Variants in KIAA0825 observed in about 807,000 individuals in gnomAD.
KIAA0825 encodes the protein KIAA0825.
KIAA0825 carries 119 observed loss-of-function variants against 147.6 expected under a neutral mutation model. The observed-to-expected ratio is 0.81, with a 90% confidence interval of 0.69 to 0.94. The LOEUF (loss-of-function observed/expected upper bound fraction) is 0.94. KIAA0825 is among the 40% of genes least tolerant of loss of function. The pLI, the probability that KIAA0825 is intolerant of heterozygous loss-of-function variation, is 0.00. For missense variants in KIAA0825, 1,381 were observed against 1,472.7 expected, an observed-to-expected ratio of 0.94 and a Z score of 1.02; for synonymous variants, 470 against 518.1, an observed-to-expected ratio of 0.91 and a Z score of 1.26.
intron 16 of KIAA0825, among the ~76,000 whole-genome samples, chr5:94,399,946 A>AT (rs930522379): frequency 6.6e-6 from 1 of 152,078 alleles, no homozygotes; most frequent in African/African-American, 2.4e-5. Flanking sequence ...ATTTTTTATT[A>AT]TTTTTTAAAT....
intron 20 of KIAA0825, among the ~76,000 whole-genome samples, chr5:94,356,166 T>C (rs1784225337): frequency 6.6e-6 from 1 of 152,162 alleles, no homozygotes; most frequent in Non-Finnish European, 1.5e-5. Context: ...TATTCAATGT[T>C]TTAAAAATTA....
chr5:94,426,109 G>A (rs1240721531), intron 14 of KIAA0825, among the ~76,000 whole-genome samples: 3 of 151,172 alleles, frequency 2.0e-5, no homozygotes, highest in Non-Finnish European at 4.4e-5. Context: ...GGTCTCAAGC[G>A]ATCCTCCCGC....
intron 1 of KIAA0825, among the ~76,000 whole-genome samples, chr5:94,612,491 A>G (rs1268089615): frequency 6.6e-6 from 1 of 152,044 alleles, no homozygotes; most frequent in African/African-American, 2.4e-5. Context: ...ACGTGCATTG[A>G]GGCCTGAAGG....
At chr5:94,475,383 T>G (rs1309769830) in intron 7 of KIAA0825, among the ~76,000 whole-genome samples, 1 of 147,556 alleles carries the variant, frequency 6.8e-6, no homozygotes, top group African/African-American at 2.7e-5. Context: ...CTGTATTGAA[T>G]TTTTAAAAAT....
chr5:94,452,823 C>T (rs1228756596), intron 13 of KIAA0825, 136 bp downstream of exon 13: 2 of 501,504 alleles, frequency 4.0e-6, no homozygotes, highest in Non-Finnish European at 7.0e-6. Context: ...ATACTCTTTA[C>T]TTACCTGCCA....
intron 12 of KIAA0825, among the ~76,000 whole-genome samples, chr5:94,455,787 G>T (rs1584542280): frequency 6.6e-6 from 1 of 152,086 alleles, no homozygotes; most frequent in Non-Finnish European, 1.5e-5. Context: ...GAAGTACAGG[G>T]ACAAGGCCAT....
chr5:94,356,568 G>A (rs993807046), intron 20 of KIAA0825, among the ~76,000 whole-genome samples: 5 of 150,898 alleles, frequency 3.3e-5, no homozygotes, highest in South Asian at 2.1e-4. Context: ...CCGAGATTGC[G>A]CCACCGGACT....
chr5:94,409,198 TAA>T (rs1425502728), intron 15 of KIAA0825, among the ~76,000 whole-genome samples: 2 of 152,218 alleles, frequency 1.3e-5, no homozygotes, highest in Non-Finnish European at 2.9e-5. Flanking sequence ...GAGATAATCA[TAA>T]GTTATTTTTA....
At chr5:94,195,406 C>G (rs1351591857) in intron 20 of KIAA0825, among the ~76,000 whole-genome samples, 1 of 152,090 alleles carries the variant, frequency 6.6e-6, no homozygotes, top group Non-Finnish European at 1.5e-5. Flanking sequence ...TCTTCTAAAA[C>G]AGTTTAATAG....
At chr5:94,166,274 C>A (rs151151098) in intron 20 of KIAA0825, among the ~76,000 whole-genome samples, 69 of 152,274 alleles carry the variant, frequency 4.5e-4, no homozygotes, top group African/African-American at 1.5e-3. Context: ...ATTATATGGA[C>A]TGAACTAAAT....
At chr5:94,223,017 T>G (rs1562320760) in intron 20 of KIAA0825, among the ~76,000 whole-genome samples, 1 of 152,126 alleles carries the variant, frequency 6.6e-6, no homozygotes, top group Non-Finnish European at 1.5e-5. Context: ...TTAACTGTAG[T>G]CCTCATGCTG....
intron 20 of KIAA0825, among the ~76,000 whole-genome samples, chr5:94,310,571 T>C (rs1779069833): frequency 6.6e-6 from 1 of 151,626 alleles, no homozygotes; most frequent in Non-Finnish European, 1.5e-5. Flanking sequence ...GGGAAAACAA[T>C]AGAACATAAT....
At chr5:94,438,868 A>G (rs926257963) in intron 14 of KIAA0825, among the ~76,000 whole-genome samples, 2 of 152,194 alleles carry the variant, frequency 1.3e-5, no homozygotes, top group African/African-American at 2.4e-5. Flanking sequence ...AACACAATGA[A>G]AATATAAGGC....
intron 3 of KIAA0825, among the ~76,000 whole-genome samples, chr5:94,529,442 G>GTATATATCATATGTATATATCATATATA (rs59429450): frequency 7.0e-6 from 1 of 142,560 alleles, no homozygotes. Flanking sequence ...TATCATATAT[G>GTATATATCATATGTATATATCATATATA]TATATATGTA....
intron 2 of KIAA0825, among the ~76,000 whole-genome samples, chr5:94,562,088 C>A (rs1456518293): frequency 6.6e-6 from 1 of 151,918 alleles, no homozygotes; most frequent in African/African-American, 2.4e-5. Context: ...TAGTTTTCAT[C>A]TACAAAAAAA....
intron 20 of KIAA0825, among the ~76,000 whole-genome samples, chr5:94,274,237 G>T (rs747687934): frequency 6.6e-6 from 1 of 152,002 alleles, no homozygotes; most frequent in African/African-American, 2.4e-5. Context: ...TTGACATAAG[G>T]CTGGTTATTA....
At chr5:94,172,723 C>G (rs1015607785) in intron 20 of KIAA0825, among the ~76,000 whole-genome samples, 2 of 151,920 alleles carry the variant, frequency 1.3e-5, no homozygotes, top group African/African-American at 4.8e-5. Context: ...CATCTATGGA[C>G]CTACTATACT....
At chr5:94,335,276 A>G (rs914223631) in intron 20 of KIAA0825, among the ~76,000 whole-genome samples, 8 of 152,170 alleles carry the variant, frequency 5.3e-5, no homozygotes, top group Non-Finnish European at 1.2e-4. Flanking sequence ...TGGAAAAATA[A>G]CATCTTTATG....
chr5:94,244,261 C>A (rs1046557089), intron 20 of KIAA0825, among the ~76,000 whole-genome samples: 1 of 152,128 alleles, frequency 6.6e-6, no homozygotes, highest in Non-Finnish European at 1.5e-5. Context: ...GACAGCTTTA[C>A]CTGATTGAAG....
Sources: allele counts gnomAD v4.1 joint callset (sites outside exome capture counted in the v4.1 genomes callset), GRCh38; gene constraint gnomAD v4.1.1; transcripts MANE v1.5; gene names NCBI Gene and HGNC (gene_info 2026-07-23, HGNC 2026-07-21).